The following ASH1L variants were observed in gnomAD, a reference collection of about 807,000 sequenced individuals.
The protein encoded by ASH1L is ASH1 like histone lysine methyltransferase, also known as histone-lysine N-methyltransferase ASH1L.
In ASH1L, 23 loss-of-function variants were observed where a neutral mutation model predicts 269.0. The observed-to-expected ratio is 0.09, with a 90% CI of 0.06 to 0.12. The LOEUF is 0.12. Ranked by LOEUF, ASH1L falls within the 10% of genes least tolerant of loss-of-function variation. The pLI is 1.00. For synonymous variants in ASH1L, 1,187 were observed against 1,253.5 expected (o/e 0.95, Z 1.12); for missense variants, 2,912 against 3,567.8 (o/e 0.82, Z 4.68).
chr1:155,558,240 G>T (rs995681796), intron 1 of ASH1L, among the ~76,000 whole-genome samples: 4 of 152,088 alleles, frequency 2.6e-5, no homozygotes, highest in Non-Finnish European at 5.9e-5. Context: ...AGGCCGAGGC[G>T]GGTGGATCAC....
At chr1:155,463,948 C>G (rs7529556) in intron 3 of ASH1L, among the ~76,000 whole-genome samples, 3,116 of 152,250 alleles carry the variant, frequency 0.02, 102 homozygotes, top group African/African-American at 0.072. Context: ...CTGGTAGGTA[C>G]TTGCAGGGTA....
chr1:155,389,615 G>A (rs1467328806), intron 7 of ASH1L, among the ~76,000 whole-genome samples: 1 of 152,134 alleles, frequency 6.6e-6, no homozygotes. Context: ...GGAGAATGCA[G>A]AGAGCCAAGA....
chr1:155,462,540 T>C (rs557652867), intron 3 of ASH1L, among the ~76,000 whole-genome samples: 1 of 152,286 alleles, frequency 6.6e-6, no homozygotes, highest in South Asian at 2.1e-4. Context: ...GGAGATGGAA[T>C]GGGGGTCAGA....
At chr1:155,367,050 T>C (rs1480770452) in intron 12 of ASH1L, among the ~76,000 whole-genome samples, 1 of 147,286 alleles carries the variant, frequency 6.8e-6, no homozygotes, top group Non-Finnish European at 1.5e-5. Context: ...CTGGAGTGCA[T>C]TGGTGCAATC....
chr1:155,538,143 G>C (rs983270098), intron 1 of ASH1L, among the ~76,000 whole-genome samples: 3 of 151,316 alleles, frequency 2.0e-5, no homozygotes, highest in Non-Finnish European at 2.9e-5. Context: ...TCCTGTCTCA[G>C]CCTCCAAAGT....
rs531404598 is a variant in ASH1L at position 155,349,297 on chromosome 1, T to C, written c.7554+30A>G. The stretch of plus-strand genomic sequence containing the variant: ...ACTAATTCTTTTCAGAACAAACTTG[T>C]GAAATCTGTTTGAAGTCAGTGAAAA... On this transcript the variant is annotated intron_variant, in intron 19 of 27. Coordinates refer to ENST00000392403, the MANE Select transcript of ASH1L (RefSeq NM_018489.3). 3.9e-5 allele frequency: 62 copies of C among 1,595,192 alleles called. No homozygotes were observed. The Admixed American group carries it at 1.0e-3, about 27-fold the overall frequency.
chr1:155,540,885 T>G (rs1670383926), intron 1 of ASH1L, among the ~76,000 whole-genome samples: 1 of 152,220 alleles, frequency 6.6e-6, no homozygotes, highest in African/African-American at 2.4e-5. Flanking sequence ...GAACATACAG[T>G]TAGTTCTCTC....
chr1:155,474,303 C>T (rs1247793765), intron 3 of ASH1L, among the ~76,000 whole-genome samples: 1 of 152,122 alleles, frequency 6.6e-6, no homozygotes, highest in Non-Finnish European at 1.5e-5. Flanking sequence ...AGAGGAAATG[C>T]TCTTATCTCC....
chr1:155,543,575 T>C (rs955292857), intron 1 of ASH1L, among the ~76,000 whole-genome samples: 2 of 150,738 alleles, frequency 1.3e-5, no homozygotes, highest in African/African-American at 4.9e-5. Flanking sequence ...TATATGTGGC[T>C]ATATGTTGAC....
At chr1:155,411,586 A>AATAAATAAATGAATATATATATATATAT (rs1297131961) in intron 6 of ASH1L, among the ~76,000 whole-genome samples, 1 of 55,192 alleles carries the variant, frequency 1.8e-5, no homozygotes, top group Non-Finnish European at 3.2e-5. Flanking sequence ...TAAATAAATA[A>AATAAATAAATGAATATATATATATATAT]ATATATATAT....
chr1:155,339,271 T>A, intron 26 of ASH1L, 57 bp downstream of exon 26: 1 of 1,518,354 alleles, frequency 6.6e-7, no homozygotes, highest in Non-Finnish European at 9.1e-7. Flanking sequence ...GTTTTCTTGA[T>A]CCATTCAAGC....
intron 1 of ASH1L, among the ~76,000 whole-genome samples, chr1:155,554,148 G>C (rs1004122570): frequency 6.6e-6 from 1 of 151,216 alleles, no homozygotes; most frequent in African/African-American, 2.4e-5. Context: ...AGAGTGGTGC[G>C]ATTACAGTTT....
chr1:155,562,970 G>A (rs1202435543), upstream of ASH1L: 2 of 456,996 alleles, frequency 4.4e-6, no homozygotes, highest in Admixed American at 2.4e-5. Context: ...TTCCATTCCT[G>A]TCGGCTGCAG....
intron 2 of ASH1L, among the ~76,000 whole-genome samples, chr1:155,504,854 C>CAA (rs397860297): frequency 1.2e-4 from 9 of 77,130 alleles, no homozygotes; most frequent in Non-Finnish European, 1.6e-4. Context: ...AACTCCATCT[C>CAA]AAAAAAAAAA....
Position 155,480,175 on chromosome 1 carries a change from ACCT to A in ASH1L, c.2692_2694del (p.Arg898del), listed in dbSNP as rs766372026. Reference sequence around the variant, plus strand: ...ACAGGTGGCTTCATCTTGACTGGTGACCTCATTTGCCTCTTAGGCCTGCCTCTC... The same window carrying A: ...ACAGGTGGCTTCATCTTGACTGGTGACATTTGCCTCTTAGGCCTGCCTCTC... On this transcript the variant is annotated inframe_deletion, in exon 3 of 28. Transcript: ENST00000392403. 1.9e-5 allele frequency: 31 copies of A among 1,613,690 alleles called. No homozygotes were observed. The highest frequency in any genetic ancestry group is 1.7e-6 in the Non-Finnish European group (2 of 1,179,932).
Position 155,344,234 on chromosome 1 carries a change from C to G in ASH1L, c.7930G>C (p.Gly2644Arg). ...MIPRPHYAQP[G>R]CVYFICLLRD... ...AGCAAACAGATGAAGTAGACACAGC[C>G]AGGTTGGGCATAGTGGGGCCGAGGG... is the stretch of plus-strand genomic sequence containing the variant. Residue 2644 changes from glycine (G) to arginine (R), a missense_variant, in exon 22 of 28, where the codon GGC (glycine) becomes CGC (arginine). Transcript: ENST00000392403. 1.2e-6 allele frequency: 2 copies of G among 1,614,092 alleles called. No homozygotes were observed. The highest frequency in any genetic ancestry group is 1.7e-6 in the Non-Finnish European group (2 of 1,180,018).
chr1:155,434,178 T>C, intron 5 of ASH1L: 1 of 1,594,274 alleles, frequency 6.3e-7, no homozygotes, highest in Non-Finnish European at 8.5e-7. Flanking sequence ...TTCACTGCAC[T>C]GTACTCCTCG....
At chr1:155,458,430 T>C (rs1664023713) in intron 4 of ASH1L, among the ~76,000 whole-genome samples, 2 of 152,196 alleles carry the variant, frequency 1.3e-5, no homozygotes, top group Admixed American at 1.3e-4. Flanking sequence ...AAAAACCATC[T>C]TTGGCTGGGT....
chr1:155,491,550 C>T (rs1666786606), intron 2 of ASH1L, among the ~76,000 whole-genome samples: 1 of 152,194 alleles, frequency 6.6e-6, no homozygotes, highest in South Asian at 2.1e-4. Context: ...CTCAAGGTCA[C>T]TTAACCAGTA....
Sources: allele counts gnomAD v4.1 joint callset (sites outside exome capture counted in the v4.1 genomes callset), GRCh38; gene constraint gnomAD v4.1.1; transcripts MANE v1.5; gene names NCBI Gene and HGNC (gene_info 2026-07-23, HGNC 2026-07-21).